The following MAST1 variants were observed in gnomAD, a reference collection of about 807,000 sequenced individuals.
The protein encoded by MAST1 is microtubule associated serine/threonine kinase 1, also known as microtubule-associated serine/threonine-protein kinase 1.
A neutral mutation model predicts 124.6 loss-of-function variants in MAST1; 40 were observed. That is an observed-to-expected ratio of 0.32 (90% CI 0.25 to 0.42). The LOEUF is 0.42. Among genes scored for constraint, MAST1 ranks in the 10% least tolerant of loss-of-function variants. The probability of loss-of-function intolerance (pLI) is 1.00; values close to 1 mark genes in which losing one functional copy is unlikely to be tolerated. For missense variants in MAST1, 1,558 were observed against 2,181.9 expected, an observed-to-expected ratio of 0.71 and a Z score of 5.70; for synonymous variants, 938 against 939.4, an observed-to-expected ratio of 1.00 and a Z score of 0.03.
chr19:12,868,768 G>T lies in MAST1; in HGVS notation c.2692G>T (p.Val898Leu). 9 of 1,611,774 alleles carry T rather than the reference G, an allele frequency of 5.6e-6. No homozygotes were observed. The highest frequency in any genetic ancestry group is 7.6e-6 in the Non-Finnish European group (9 of 1,178,798). The change falls in exon 21 of 26, where the codon GTA becomes TTA. Residue 898 changes from valine (V) to leucine (L), a missense_variant. Val to Leu is a conservative substitution (Grantham distance 32). Around this residue, in one of 10 missense-constraint regions of MAST1, gnomAD observed 287 missense variants for 308.0 expected, o/e 0.93. Coordinates refer to ENST00000251472, the MANE Select transcript of MAST1 (RefSeq NM_014975.3). ...RHQQMSGDVA[V>L]EKRPSRTGGK... ...CCAGCAGATGTCAGGGGATGTGGCAGTAGAGAAGAGGCCTTCTCGAACTGG... is the reference window on the plus strand; with the variant it reads ...CCAGCAGATGTCAGGGGATGTGGCATTAGAGAAGAGGCCTTCTCGAACTGG...
In MAST1 at chr19:12,873,467, C is replaced by A. The variant is rs1483769314; in HGVS notation, c.3407C>A (p.Ser1136Ter). 1 of 1,609,860 alleles carries A rather than the reference C, an allele frequency of 6.2e-7. No homozygotes were observed. Among genetic ancestry groups the A allele is most frequent in the Non-Finnish European group, 8.5e-7 (1 of 1,179,582 alleles). The change falls in exon 25 of 26, where the codon TCG becomes TAG. Residue 1136 changes from serine to a stop codon, truncating the protein, a stop_gained. Coordinates refer to ENST00000251472, the MANE Select transcript of MAST1 (RefSeq NM_014975.3). LOFTEE classifies it low-confidence loss of function (END_TRUNC). ...CCTACGCACGGGCTGCCGGCGCGCT[C>A]GCCCACGCACAGCTACCGCTCCACG... The part of the protein sequence containing the change: ...GSPTHGLPAR[S>*]PTHSYRSTPD...
chr19:12,845,550 C>T (rs1969883196), intron 4 of MAST1, among the ~76,000 whole-genome samples: 1 of 151,506 alleles, frequency 6.6e-6, no homozygotes, highest in Admixed American at 6.6e-5. Flanking sequence ...AGCCACTGCA[C>T]TCCAGCCTGG....
At chr19:12,839,465 T>A (rs1438567155) in intron 1 of MAST1, among the ~76,000 whole-genome samples, 1 of 152,206 alleles carries the variant, frequency 6.6e-6, no homozygotes, top group African/African-American at 2.4e-5. Flanking sequence ...CGATGTCATA[T>A]CTAGGTATCT....
chr19:12,874,432 C>G lies in MAST1; in HGVS notation c.4275C>G (p.Ser1425Arg). Residue 1425 changes from serine to arginine, a missense_variant, in exon 26 of 26, where the codon AGC becomes AGG. By Grantham distance (110) the Ser-to-Arg change is moderately radical. This residue lies in a region of MAST1 where 263 missense variants were observed against 310.9 expected (regional missense o/e 0.85). Transcript: ENST00000251472. This position sits in a 1 kb window ranked among gnomAD's most constrained non-coding sequence, Gnocchi z 6.6. ...AACACGAGACAGGCCGGCGCAGCAGCTCTGGCGAGGCGGGCACACCCCTGG... is the reference window on the plus strand; with the variant it reads ...AACACGAGACAGGCCGGCGCAGCAGGTCTGGCGAGGCGGGCACACCCCTGG... Reference protein sequence around the residue: ...VQEHETGRRSSSGEAGTPLVP... With the variant: ...VQEHETGRRSRSGEAGTPLVP... 2 of 1,597,964 alleles carry G rather than the reference C, an allele frequency of 1.3e-6. No homozygotes were observed. Among genetic ancestry groups the G allele is most frequent in the Non-Finnish European group, 1.7e-6 (2 of 1,178,742 alleles).
rs182783957 is a variant in MAST1 at position 12,868,567 on chromosome 19, A to G, written c.2567-76A>G. On this transcript the variant is annotated intron_variant, in intron 20 of 25. Transcript: ENST00000251472. ...ATCAAGGGTAAAAAGTGGAAAGAGC[A>G]TTCCAGGCAGGGAAACAGTATGTGG... 3.7e-5 allele frequency: 49 copies of G among 1,329,830 alleles called. No individual in the cohort carries two copies. In the East Asian group the frequency reaches 1.1e-3, roughly 29 times the overall value. The allele number at this position is 1,329,830 out of a possible 1,614,324, so 82.4% of individuals were successfully genotyped here. A position where few individuals can be genotyped will look rare whatever the true frequency, so the allele number is the denominator to read the frequency against.
intron 4 of MAST1, among the ~76,000 whole-genome samples, chr19:12,844,874 G>A (rs1024812114): frequency 1.3e-5 from 2 of 152,042 alleles, no homozygotes; most frequent in African/African-American, 2.4e-5. Flanking sequence ...ATATTAAATT[G>A]TACTAAAATT....
In MAST1 at chr19:12,865,922, G is replaced by A. The variant is rs1970148474; in HGVS notation, c.1907-58G>A. 1.2e-6 allele frequency: 2 copies of A among 1,610,964 alleles called. No individual in the cohort carries two copies. The highest frequency in any genetic ancestry group is 1.7e-6 in the Non-Finnish European group (2 of 1,178,104). On this transcript the variant is annotated intron_variant, in intron 16 of 25. Transcript: ENST00000251472. This position sits in a 1 kb window ranked among gnomAD's most constrained non-coding sequence, Gnocchi z 7.1. The stretch of plus-strand genomic sequence containing the variant: ...TGGCCCCGGGGCGGAAGACATGGGG[G>A]GCGGGGCTGGGCTGCTGGGTTGGCC...
intron 7 of MAST1, chr19:12,848,973 A>C (rs1969930231): frequency 6.6e-6 from 1 of 152,206 alleles, no homozygotes; most frequent in African/African-American, 2.4e-5. Context: ...ATAAATAAAT[A>C]AATGAAATAA....
chr19:12,871,458 T>A (rs1316294273), intron 24 of MAST1, among the ~76,000 whole-genome samples: 1 of 151,852 alleles, frequency 6.6e-6, no homozygotes, highest in African/African-American at 2.4e-5. Flanking sequence ...AATACAAAAA[T>A]TAGCCTGGCA....
In MAST1 at chr19:12,838,750, C is replaced by A. The variant is rs1265918675; in HGVS notation, c.83+95C>A. 6.1e-6 allele frequency: 7 copies of A among 1,145,938 alleles called. No individual in the cohort carries two copies. Among genetic ancestry groups the A allele is most frequent in the Non-Finnish European group, 8.5e-6 (7 of 825,210 alleles). The allele number at this position is 1,145,938 out of a possible 1,614,324, so 71.0% of individuals were successfully genotyped here. The stretch of plus-strand genomic sequence containing the variant: ...AGGGCGGGGCCCGGGATGCTGCGCC[C>A]GGTCCAGCTGCGCCAGAGGTGCCCC... On this transcript the variant is annotated intron_variant, in intron 1 of 25. Coordinates refer to ENST00000251472, the MANE Select transcript of MAST1 (RefSeq NM_014975.3). The surrounding 1 kb of genome is among the most constrained non-coding windows in gnomAD (Gnocchi z 4.3).
chr19:12,867,864 G>T lies in MAST1; in HGVS notation c.2453G>T (p.Arg818Leu), dbSNP rs201704823. 1.5e-5 allele frequency: 24 copies of T among 1,606,710 alleles called. No homozygotes were observed. Among genetic ancestry groups the T allele is most frequent in the African/African-American group, 2.7e-5 (2 of 74,416 alleles). ...CCCCAAGAGGACGAGGATGAGGCCCGGCTGCGCAGGCCTCCCCGGCCCAGC... is the reference window on the plus strand; with the variant it reads ...CCCCAAGAGGACGAGGATGAGGCCCTGCTGCGCAGGCCTCCCCGGCCCAGC... ...SAPQEDEDEA[R>L]LRRPPRPSSD... is the part of the protein sequence containing the mutation. The change falls in exon 20 of 26, where the codon CGG becomes CTG. Residue 818 changes from arginine (R) to leucine (L), a missense_variant. Around this residue, in one of 10 missense-constraint regions of MAST1, gnomAD observed 287 missense variants for 308.0 expected, o/e 0.93. Coordinates refer to ENST00000251472, the MANE Select transcript of MAST1 (RefSeq NM_014975.3).
In MAST1 at chr19:12,858,520, T is replaced by C. The variant is rs1970043576; in HGVS notation, c.1158-11T>C. On this transcript the variant is annotated splice_polypyrimidine_tract_variant and intron_variant, in intron 11 of 25. Coordinates refer to ENST00000251472, the MANE Select transcript of MAST1 (RefSeq NM_014975.3). ...GAGGTGACGGCCGGTCCTCGCTCTCTCCCCCTGCAGCGCTGTCTACCTGGT... is the reference window on the plus strand; with the variant it reads ...GAGGTGACGGCCGGTCCTCGCTCTCCCCCCCTGCAGCGCTGTCTACCTGGT... The C allele has an allele frequency of 6.2e-7, 1 of 1,612,936 alleles. No homozygotes were observed. Among genetic ancestry groups the C allele is most frequent in the Non-Finnish European group, 8.5e-7 (1 of 1,179,062 alleles).
In MAST1 at chr19:12,871,081, T is replaced by A. The variant is rs1241877107; in HGVS notation, c.3172T>A (p.Ser1058Thr). Residue 1058 changes from serine (S) to threonine (T), a missense_variant, in exon 24 of 26, where the codon TCT (serine) becomes ACT (threonine). Coordinates refer to ENST00000251472, the MANE Select transcript of MAST1 (RefSeq NM_014975.3). ...GACCACAACGCCCTTCGAAAATACC[T>A]CTATCCGCATTGGTCCCGCAAGGCG... ...AVTTTPFENT[S>T]IRIGPARRSS... 1 of 1,613,974 alleles carries A rather than the reference T, an allele frequency of 6.2e-7. No homozygotes were observed. The highest frequency in any genetic ancestry group is 1.3e-5 in the African/African-American group (1 of 74,886).
chr19:12,868,961 C>T, intron 21 of MAST1, 105 bp from the exon 22 acceptor site: 1 of 1,527,084 alleles, frequency 6.5e-7, no homozygotes, highest in Non-Finnish European at 9.0e-7. Flanking sequence ...CAGGCTGGAC[C>T]AATGAGAGGC....
At chr19:12,869,417 C>A in intron 22 of MAST1, 122 bp downstream of exon 22, 1 of 723,352 alleles carries the variant, frequency 1.4e-6, no homozygotes, top group Non-Finnish European at 2.3e-6. Context: ...TCTTCCCTCT[C>A]TAAACCTGTT....
intron 10 of MAST1, among the ~76,000 whole-genome samples, chr19:12,857,717 C>T (rs1471559424): frequency 1.3e-5 from 2 of 152,156 alleles, no homozygotes. Context: ...AGGCCCGAAT[C>T]TTTTAGTATG....
Position 12,873,335 on chromosome 19 carries a change from G to C in MAST1, c.3275G>C (p.Ser1092Thr). ...TCCCTGTCCCGCAGCAAGAAGCGCA[G>C]CTCCCTCTTCCGGAAGATCACGAAG... ...AKEGQESKKR[S>T]SLFRKITKQS... is the part of the protein sequence containing the mutation. Residue 1092 changes from serine to threonine, a missense_variant, in exon 25 of 26, where the codon AGC becomes ACC. Ser to Thr is a moderately conservative substitution (Grantham distance 58, BLOSUM62 1). Coordinates refer to ENST00000251472, the MANE Select transcript of MAST1 (RefSeq NM_014975.3). 1.2e-6 allele frequency: 2 copies of C among 1,612,952 alleles called. No homozygotes were observed. The highest frequency in any genetic ancestry group is 1.7e-6 in the Non-Finnish European group (2 of 1,179,098).
rs1294075768 is a variant in MAST1, at chr19:12,848,087, C to A, written c.774+30C>A. The A allele has an allele frequency of 1.9e-6, 3 of 1,595,256 alleles. No homozygotes were observed. In the Admixed American group the frequency reaches 5.1e-5, roughly 27 times the overall value. The stretch of plus-strand genomic sequence containing the variant: ...GTGCACGCGGAGGCCGGGCTGATCT[C>A]AGGCTCAGCACCGCCAGATTGTGCC... On this transcript the variant is annotated intron_variant, in intron 7 of 25. Coordinates refer to ENST00000251472, the MANE Select transcript of MAST1 (RefSeq NM_014975.3).
At chr19:12,867,134 G>A (rs898812411) in intron 18 of MAST1, among the ~76,000 whole-genome samples, 1 of 152,164 alleles carries the variant, frequency 6.6e-6, no homozygotes, top group Non-Finnish European at 1.5e-5. Context: ...GGGCAGAGAA[G>A]CCATAGGCCT....
Sources: allele counts gnomAD v4.1 joint callset (sites outside exome capture counted in the v4.1 genomes callset), GRCh38; gene constraint gnomAD v4.1.1; regional missense constraint gnomAD v4.1.1; non-coding constraint Gnocchi (gnomAD v3.1); transcripts MANE v1.5; gene names NCBI Gene and HGNC (gene_info 2026-07-23, HGNC 2026-07-21).